GLUD1: variants seen among roughly 807,000 people sequenced by gnomAD.
The protein encoded by GLUD1 is glutamate dehydrogenase 1.
Under a neutral mutation model 56.0 loss-of-function variants are expected in GLUD1, and 22 were observed. The observed-to-expected ratio is 0.39, with a 90% CI of 0.28 to 0.56. GLUD1 has a LOEUF of 0.56. GLUD1 is among the 20% of genes least tolerant of loss of function. The pLI is 0.58. For missense variants in GLUD1, 451 were observed against 732.0 expected (o/e 0.62, Z 4.43); for synonymous variants, 223 against 269.9 (o/e 0.83, Z 1.70).
chr10:87,068,164 G>A lies in GLUD1; in HGVS notation c.647-7C>T, dbSNP rs778605795. On this transcript the variant is annotated splice_polypyrimidine_tract_variant and splice_region_variant and intron_variant, in intron 4 of 12. Transcript: ENST00000277865. ...GGCACATCAATGCCAGGACCTGCGG[G>A]GGCACAGGGAAAGAGGAGTGCACCA... The A allele has an allele frequency of 4.4e-6, 7 of 1,585,670 alleles. No individual in the cohort carries two copies. Among genetic ancestry groups the A allele is most frequent in the South Asian group, 2.2e-5 (2 of 90,464 alleles).
chr10:87,090,629 AAAC>A (rs1392838136), intron 1 of GLUD1, among the ~76,000 whole-genome samples: 3 of 152,222 alleles, frequency 2.0e-5, no homozygotes, highest in African/African-American at 7.2e-5. Context: ...GATGTATTAA[AAAC>A]AACAACCTCG....
chr10:87,084,003 A>G (rs1473042401), intron 1 of GLUD1, among the ~76,000 whole-genome samples: 1 of 152,238 alleles, frequency 6.6e-6, no homozygotes, highest in African/African-American at 2.4e-5. Flanking sequence ...TGGGCTTGGT[A>G]CACAGGTGTC....
chr10:87,060,374 T>C (rs1845898392), intron 8 of GLUD1, 133 bp from the exon 9 acceptor site: 1 of 776,944 alleles, frequency 1.3e-6, no homozygotes. Flanking sequence ...TAAATAGAGG[T>C]TATTTTTCTC....
chr10:87,056,984 C>T (rs369267179), intron 11 of GLUD1, among the ~76,000 whole-genome samples: 9 of 143,138 alleles, frequency 6.3e-5, no homozygotes, highest in African/African-American at 2.0e-4. Context: ...TTTTTTTTGG[C>T]GGGGGGAGGG....
chr10:87,051,725 T>G lies in GLUD1; in HGVS notation c.*26A>C. On this transcript the variant is annotated 3_prime_UTR_variant, in exon 13 of 13. Transcript: ENST00000277865. ...CTGCAGAAGTTACATGTGAAGAGGA[T>G]AGTGAGGAAGTCAGCCATGATCCAT... The G allele has an allele frequency of 6.2e-7, 1 of 1,611,070 alleles. No homozygotes were observed. Among genetic ancestry groups the G allele is most frequent in the East Asian group, 2.2e-5 (1 of 44,874 alleles).
intron 1 of GLUD1, among the ~76,000 whole-genome samples, chr10:87,088,292 T>C (rs1841433454): frequency 6.6e-6 from 1 of 151,828 alleles, no homozygotes; most frequent in Admixed American, 6.6e-5. Context: ...GAATCTGCTC[T>C]ACTTGGGAGA....
At position 87,074,318 on chromosome 10, in the gene GLUD1, T is replaced by C. The variant is rs572514501; in HGVS notation, c.646+233A>G. Among the ~76,000 whole-genome samples, 4 of 152,190 alleles carry C rather than the reference T, an allele frequency of 2.6e-5. No individual in the cohort carries two copies. In the South Asian group the frequency reaches 6.2e-4, roughly 24 times the overall value. ...GAGTTCAAGCCCAGCCTGACCAACA[T>C]GGCAAAGCCCCATCTCCAGTAAAAA... On this transcript the variant is annotated intron_variant, in intron 4 of 12. Coordinates refer to ENST00000277865, the MANE Select transcript of GLUD1 (RefSeq NM_005271.5).
At chr10:87,061,204 T>C in intron 6 of GLUD1, 152 bp from the exon 7 acceptor site, 3 of 792,812 alleles carry the variant, frequency 3.8e-6, no homozygotes, top group Non-Finnish European at 2.2e-6. Context: ...AACTGGTTTC[T>C]CTTCAACAAT....
At chr10:87,052,692 A>G (rs1025493626) in intron 12 of GLUD1, among the ~76,000 whole-genome samples, 39 of 151,014 alleles carry the variant, frequency 2.6e-4, no homozygotes, top group African/African-American at 7.8e-4. Context: ...AAAAAAAAAA[A>G]AAAGGGAGTG....
At chr10:87,077,722 A>G (rs183752251) in intron 1 of GLUD1, among the ~76,000 whole-genome samples, 165 of 152,072 alleles carry the variant, frequency 1.1e-3, no homozygotes, top group Non-Finnish European at 1.8e-3. Flanking sequence ...TCTCAATCCC[A>G]AGGAGGAAAG....
At chr10:87,069,514 C>CAAAAAAAAAAAAAAAA (rs374019349) in intron 4 of GLUD1, among the ~76,000 whole-genome samples, 3 of 62,620 alleles carry the variant, frequency 4.8e-5, no homozygotes, top group Non-Finnish European at 9.8e-5. Flanking sequence ...GACTCTGTTT[C>CAAAAAAAAAAAAAAAA]AAAAAAAAAA....
chr10:87,073,432 G>A (rs1846294923), intron 4 of GLUD1, among the ~76,000 whole-genome samples: 1 of 152,100 alleles, frequency 6.6e-6, no homozygotes, highest in Non-Finnish European at 1.5e-5. Context: ...GGGATTACAA[G>A]CACCAGCCAC....
intron 6 of GLUD1, 195 bp from the exon 7 acceptor site, chr10:87,061,247 C>T: frequency 5.7e-6 from 4 of 699,416 alleles, no homozygotes; most frequent in Non-Finnish European, 1.0e-5. Context: ...GATGAGCGGG[C>T]ATGGTGGCTC....
Position 87,094,823 on chromosome 10 carries a change from A to C in GLUD1, c.-54T>G. 9.4e-6 allele frequency: 13 copies of C among 1,377,382 alleles called. No individual in the cohort carries two copies. The highest frequency in any genetic ancestry group is 1.5e-5 in the African/African-American group (1 of 66,910). 85.3% of individuals were successfully genotyped at this position (1,377,382 alleles called of 1,614,324 possible). On this transcript the variant is annotated 5_prime_UTR_variant, in exon 1 of 13. Coordinates refer to ENST00000277865, the MANE Select transcript of GLUD1 (RefSeq NM_005271.5). This position sits in a 1 kb window ranked among gnomAD's most constrained non-coding sequence, Gnocchi z 6.6. ...GGTCGCGAAACAGGCGCGCTTTCTC[A>C]GACTCCCCGCGACTAGGGAGGAAGG... is the stretch of plus-strand genomic sequence containing the variant.
intron 4 of GLUD1, 94 bp from the exon 5 acceptor site, chr10:87,068,251 T>TACCATG: frequency 2.6e-6 from 2 of 759,716 alleles, no homozygotes; most frequent in Non-Finnish European, 4.7e-6. Flanking sequence ...ATAACCAAGT[T>TACCATG]ACCATGGCTA....
chr10:87,061,084 T>A, intron 6 of GLUD1, 32 bp from the exon 7 acceptor site: 1 of 1,601,862 alleles, frequency 6.2e-7, no homozygotes, highest in Non-Finnish European at 8.6e-7. Flanking sequence ...AACACAAAAA[T>A]TAAAGTCCTG....
At chr10:87,069,514 C>CAAAAAAAA (rs374019349) in intron 4 of GLUD1, among the ~76,000 whole-genome samples, 2 of 62,620 alleles carry the variant, frequency 3.2e-5, no homozygotes, top group Non-Finnish European at 6.6e-5. Flanking sequence ...GACTCTGTTT[C>CAAAAAAAA]AAAAAAAAAA....
chr10:87,091,638 G>A (rs2133862628), intron 1 of GLUD1: 1 of 916,680 alleles, frequency 1.1e-6, no homozygotes, highest in African/African-American at 1.8e-5. Context: ...GAAAAGAAAA[G>A]CACAAAAACA....
Position 87,076,094 on chromosome 10 carries a change from C to G in GLUD1, c.527-71G>C, listed in dbSNP as rs1846384749. The G allele has an allele frequency of 5.8e-6, 6 of 1,035,884 alleles. No individual in the cohort carries two copies. The South Asian group carries it at 6.3e-5, about 11-fold the overall frequency. The allele number at this position is 1,035,884 out of a possible 1,614,324, so 64.2% of individuals were successfully genotyped here. On this transcript the variant is annotated intron_variant, in intron 2 of 12. Coordinates refer to ENST00000277865, the MANE Select transcript of GLUD1 (RefSeq NM_005271.5). ...AAGTAAAATGACAGAAAGCACCACACAATATTAGAGAAACGTGATGCTTTA... is the reference window on the plus strand; with the variant it reads ...AAGTAAAATGACAGAAAGCACCACAGAATATTAGAGAAACGTGATGCTTTA...
Sources: gnomAD v4.1 joint callset for allele counts (sites outside exome capture counted in the v4.1 genomes callset) on GRCh38, gnomAD v4.1.1 for gene constraint, Gnocchi (gnomAD v3.1) non-coding constraint, MANE v1.5 for transcripts, NCBI Gene and HGNC (gene_info 2026-07-23, HGNC 2026-07-21) for gene names.